The following MACF1 variants were observed in gnomAD, a reference collection of about 807,000 sequenced individuals.
MACF1 encodes microtubule-actin cross-linking factor 1.
A neutral mutation model predicts 854.8 loss-of-function variants in MACF1; 193 were observed. That is an observed-to-expected ratio of 0.23 (90% CI 0.20 to 0.25). MACF1 has a LOEUF of 0.25. MACF1 is among the 10% of genes least tolerant of loss of function. MACF1 has a pLI of 1.00. For missense variants in MACF1, 7,722 were observed against 8,929.1 expected (o/e 0.86, Z 5.45); for synonymous variants, 3,185 against 3,226.7 (o/e 0.99, Z 0.44).
intron 1 of MACF1, among the ~76,000 whole-genome samples, chr1:39,214,011 G>A (rs2148280478): frequency 1.3e-5 from 2 of 152,300 alleles, no homozygotes; most frequent in African/African-American, 4.8e-5. Flanking sequence ...TGGTCTGCTA[G>A]GAAAGCTTGC....
chr1:39,413,246 T>C lies in MACF1; in HGVS notation c.15817-9128T>C. On this transcript the variant is annotated intron_variant, in intron 58 of 100. Transcript: ENST00000564288. ...GAGCCTGATACTGCAGCTGTCAGAGTGTCCACCCCAGAGGAGCCCGCCTCC... is the reference window on the plus strand; with the variant it reads ...GAGCCTGATACTGCAGCTGTCAGAGCGTCCACCCCAGAGGAGCCCGCCTCC... 3.1e-6 allele frequency: 5 copies of C among 1,612,660 alleles called. No homozygotes were observed. The South Asian group carries it at 4.4e-5, about 14-fold the overall frequency.
rs1471439242 is a variant in MACF1 at position 39,358,727 on chromosome 1, C to T, written c.11974C>T (p.Leu3992=). The part of the protein sequence containing the change: ...CTRLGSHLNM[L]LGQYHQFQNS... ...ACGATTAGGATCTCACCTGAATATG[C>T]TGTTAGGCCAGTATCATCAATTCCA... The change falls in exon 46 of 101, where the codon CTG becomes TTG. Residue 3992 remains leucine, a synonymous_variant. Transcript: ENST00000564288. The T allele has an allele frequency of 6.2e-6, 10 of 1,614,114 alleles. No individual in the cohort carries two copies. Among genetic ancestry groups the T allele is most frequent in the Non-Finnish European group, 8.5e-6 (10 of 1,180,004 alleles).
chr1:39,248,166 C>T (rs1645002859), intron 2 of MACF1, among the ~76,000 whole-genome samples: 1 of 152,252 alleles, frequency 6.6e-6, no homozygotes, highest in East Asian at 1.9e-4. Flanking sequence ...CATCTCTATG[C>T]CAAGTCTTAT....
intron 1 of MACF1, among the ~76,000 whole-genome samples, chr1:39,216,444 A>G (rs993484177): frequency 3.9e-5 from 6 of 152,186 alleles, no homozygotes; most frequent in Non-Finnish European, 8.8e-5. Flanking sequence ...GTCTCTAACA[A>G]GGAGCAAAAT....
chr1:39,334,680 A>T lies in MACF1; in HGVS notation c.8092A>T (p.Thr2698Ser), dbSNP rs934644924. Residue 2698 changes from threonine (T) to serine (S), a missense_variant, in exon 37 of 101, where the codon ACT becomes TCT. Around this residue, in one of 15 missense-constraint regions of MACF1, gnomAD observed 1,531 missense variants for 1,601.6 expected, o/e 0.96. Coordinates refer to ENST00000564288, the MANE Select transcript of MACF1 (RefSeq NM_001394062.1). The part of the protein sequence containing the change: ...ANTGGIIDTA[T>S]GKRLTLASAL... ...TACTGGTGGAATCATAGATACTGCT[A>T]CTGGAAAAAGACTGACATTGGCATC... 1.2e-6 allele frequency: 2 copies of T among 1,614,144 alleles called. No homozygotes were observed. The highest frequency in any genetic ancestry group is 1.7e-6 in the Non-Finnish European group (2 of 1,180,008).
chr1:39,257,874 C>T, intron 5 of MACF1, 62 bp from the exon 6 acceptor site: 3 of 1,251,198 alleles, frequency 2.4e-6, no homozygotes, highest in Non-Finnish European at 3.5e-6. Flanking sequence ...TGAAGTGATG[C>T]AAAAATTTAA....
intron 58 of MACF1, among the ~76,000 whole-genome samples, chr1:39,400,948 A>T (rs1210567245): frequency 6.6e-6 from 1 of 152,178 alleles, no homozygotes; most frequent in Non-Finnish European, 1.5e-5. Context: ...GATAAAGTAA[A>T]ATTAGTTTGA....
chr1:39,191,014 C>A (rs943858134), intron 2 of MACF1, among the ~76,000 whole-genome samples: 7 of 151,848 alleles, frequency 4.6e-5, no homozygotes, highest in East Asian at 1.9e-4. Context: ...AACAAAAAAA[C>A]CCCAAAACAA....
In MACF1 at chr1:39,357,840, G is replaced by A; in HGVS notation, c.11890G>A (p.Val3964Ile). The change falls in exon 45 of 101, where the codon GTA (valine) becomes ATA (isoleucine). Residue 3964 changes from valine to isoleucine, a missense_variant. By Grantham distance (29) the Val-to-Ile change is conservative. Transcript: ENST00000564288. ...AGAACCATCAGAAATTGGAAACTTA[G>A]TAAAGGACAAGTTGAAGGATGCAAC... ...GKEPSEIGNL[V>I]KDKLKDATER... The A allele has an allele frequency of 3.1e-6, 5 of 1,614,104 alleles. No homozygotes were observed. The highest frequency in any genetic ancestry group is 4.2e-6 in the Non-Finnish European group (5 of 1,180,006).
chr1:39,111,753 A>G (rs1642412466), intron 2 of MACF1, among the ~76,000 whole-genome samples: 1 of 152,138 alleles, frequency 6.6e-6, no homozygotes, highest in African/African-American at 2.4e-5. Flanking sequence ...GCTTCAAGCC[A>G]TCCTCTTGCC....
At chr1:39,120,182 C>CTGTTAAGCGCTAAGAGCA (rs1165057195) in intron 2 of MACF1, among the ~76,000 whole-genome samples, 2 of 151,902 alleles carry the variant, frequency 1.3e-5, no homozygotes, top group African/African-American at 4.8e-5. Flanking sequence ...CCGCACCTGG[C>CTGTTAAGCGCTAAGAGCA]CAATAAAGCC....
rs1645101431 is a variant in MACF1, at chr1:39,486,451, G to T, written c.*657G>T. On this transcript the variant is annotated 3_prime_UTR_variant, in exon 101 of 101. Coordinates refer to ENST00000564288, the MANE Select transcript of MACF1 (RefSeq NM_001394062.1). ...GACAAATAGCTGCTAGAATTCAGGG[G>T]TAAATGTAAGTGTTCAGAAAACGTC... 6.6e-6 allele frequency: 1 copy of T among 152,604 alleles called. No homozygotes were observed. 9.5% of individuals were successfully genotyped at this position (152,604 alleles called of 1,614,324 possible). A position where few individuals can be genotyped will look rare whatever the true frequency, so the allele number is the denominator to read the frequency against.
At position 39,090,731 on chromosome 1, in the gene MACF1, G is replaced by C. The variant is rs145772797; in HGVS notation, c.220+6293G>C. Among the ~76,000 whole-genome samples the C allele has an allele frequency of 4.2e-3, 645 of 152,298 alleles. 8 individuals carry two copies. Among genetic ancestry groups the C allele is most frequent in the African/African-American group, 0.015 (604 of 41,562 alleles). Reference sequence around the variant, plus strand: ...CTGGTTACTTTGGGGACTGTGGAAGGCCATCATTTCTCAGTCTCATGGGCT... The same window carrying C: ...CTGGTTACTTTGGGGACTGTGGAAGCCCATCATTTCTCAGTCTCATGGGCT... On this transcript the variant is annotated intron_variant, in intron 2 of 93. Transcript: ENST00000361689.
chr1:39,458,233 C>G (rs1423143913), intron 89 of MACF1, 137 bp from the exon 90 acceptor site: 2 of 725,862 alleles, frequency 2.8e-6, no homozygotes, highest in Non-Finnish European at 4.5e-6. Flanking sequence ...CCCTCAGTAA[C>G]TCAACTCAGG....
Position 39,379,255 on chromosome 1 carries a change from A to G in MACF1, c.13329A>G (p.Lys4443=). 6.2e-7 allele frequency: 1 copy of G among 1,612,670 alleles called. No homozygotes were observed. The highest frequency in any genetic ancestry group is 8.5e-7 in the Non-Finnish European group (1 of 1,179,468). ...DMSDVNLKYE[K]LGGVLHERQE... is the part of the protein sequence containing the mutation. ...CAGATGTAAACTTGAAGTATGAGAAACTAGGGGGAGTACTTCATGAACGCC... is the reference window on the plus strand; with the variant it reads ...CAGATGTAAACTTGAAGTATGAGAAGCTAGGGGGAGTACTTCATGAACGCC... Residue 4443 remains lysine (K), a synonymous_variant, in exon 54 of 101, where the codon AAA becomes AAG. Coordinates refer to ENST00000564288, the MANE Select transcript of MACF1 (RefSeq NM_001394062.1).
At chr1:39,128,455 T>C (rs6600287) in intron 2 of MACF1, among the ~76,000 whole-genome samples, 148,782 of 152,308 alleles carry the variant, frequency 0.98, 72,759 homozygotes, top group East Asian at 1. Flanking sequence ...GTAATCCCAG[T>C]ACTTTGGGAT....
At chr1:39,360,092 T>C (rs1214352265) in intron 47 of MACF1, among the ~76,000 whole-genome samples, 2 of 132,952 alleles carry the variant, frequency 1.5e-5, no homozygotes, top group Admixed American at 8.0e-5. Flanking sequence ...CACACATATA[T>C]ACACACACAC....
At chr1:39,251,994 G>T in intron 4 of MACF1, 53 bp downstream of exon 4, 1 of 1,241,124 alleles carries the variant, frequency 8.1e-7, no homozygotes, top group South Asian at 1.7e-5. Context: ...GGCACTGCAG[G>T]GCCATCAGAG....
chr1:39,289,693 C>CTTTTTTTTTTTTTTTTTTTTTTTTTTT lies in MACF1; in HGVS notation c.1785+2137_1785+2163dup, dbSNP rs58188740. On this transcript the variant is annotated intron_variant, in intron 15 of 100. Coordinates refer to ENST00000564288, the MANE Select transcript of MACF1 (RefSeq NM_001394062.1). ...ATTTTCTCCCATTCTGTGGGTTGTC[C>CTTTTTTTTTTTTTTTTTTTTTTTTTTT]TTTTTTTTTTTTTTTTTTTTTTTTT... Among the ~76,000 whole-genome samples, 6 of 28,966 alleles carry CTTTTTTTTTTTTTTTTTTTTTTTTTTT rather than the reference C, an allele frequency of 2.1e-4. 2 individuals are homozygous for CTTTTTTTTTTTTTTTTTTTTTTTTTTT. Among genetic ancestry groups the CTTTTTTTTTTTTTTTTTTTTTTTTTTT allele is most frequent in the Non-Finnish European group, 3.6e-4 (6 of 16,774 alleles). 19.0% of individuals were successfully genotyped at this position (28,966 alleles called of 152,430 possible).
Sources: allele counts gnomAD v4.1 joint callset (sites outside exome capture counted in the v4.1 genomes callset), GRCh38; gene constraint gnomAD v4.1.1; regional missense constraint gnomAD v4.1.1; transcripts MANE v1.5; gene names NCBI Gene and HGNC (gene_info 2026-07-23, HGNC 2026-07-21).